The following GAB2 variants were observed in gnomAD, a reference collection of about 807,000 sequenced individuals.
The protein encoded by GAB2 is GRB2-associated-binding protein 2.
GAB2 carries 26 observed loss-of-function variants against 65.5 expected under a neutral mutation model. That is an observed-to-expected ratio of 0.40 (90% CI 0.29 to 0.55). The LOEUF (loss-of-function observed/expected upper bound fraction) is 0.55. Ranked by LOEUF, GAB2 falls within the 20% of genes least tolerant of loss-of-function variation. The pLI is 0.53. For missense variants in GAB2, 884 were observed against 875.8 expected, an observed-to-expected ratio of 1.01 and a Z score of -0.12; for synonymous variants, 321 against 329.6, an observed-to-expected ratio of 0.97 and a Z score of 0.28.
intron 2 of GAB2, among the ~76,000 whole-genome samples, chr11:78,270,460 G>A (rs1865980906): frequency 6.6e-6 from 1 of 152,172 alleles, no homozygotes; most frequent in African/African-American, 2.4e-5. Context: ...ACAATGGGTT[G>A]GGAAAAGTGA....
chr11:78,295,926 G>C (rs1412490567), intron 1 of GAB2, among the ~76,000 whole-genome samples: 4 of 152,114 alleles, frequency 2.6e-5, no homozygotes, highest in African/African-American at 7.2e-5. Flanking sequence ...ATTCCTCTGG[G>C]GCAGCGATCC....
chr11:78,250,415 T>A lies in GAB2; in HGVS notation c.377-15A>T. The A allele has an allele frequency of 6.2e-7, 1 of 1,609,490 alleles. No homozygotes were observed. Among genetic ancestry groups the A allele is most frequent in the Non-Finnish European group, 8.5e-7 (1 of 1,176,296 alleles). The stretch of plus-strand genomic sequence containing the variant: ...TCTCAGGGAGTCTGAAAAGGAGAAA[T>A]AGCTCTGTGAATGAAAAAGGAAGGA... On this transcript the variant is annotated splice_polypyrimidine_tract_variant and intron_variant, in intron 2 of 9. Coordinates refer to ENST00000361507, the MANE Select transcript of GAB2 (RefSeq NM_080491.3).
rs762649611 is a variant in GAB2, at chr11:78,223,658, C to A, written c.1321G>T (p.Gly441Cys). 3 of 1,601,276 alleles carry A rather than the reference C, an allele frequency of 1.9e-6. No homozygotes were observed. Among genetic ancestry groups the A allele is most frequent in the Non-Finnish European group, 2.6e-6 (3 of 1,173,510 alleles). Residue 441 changes from glycine to cysteine, a missense_variant, in exon 6 of 10, where the codon GGC becomes TGC. By Grantham distance (159) the Gly-to-Cys change is radical (BLOSUM62 -3). Coordinates refer to ENST00000361507, the MANE Select transcript of GAB2 (RefSeq NM_080491.3). ...GSFLPGKMIV[G>C]RSDSTNSEDN... ...TCAGAATTGGTGCTGTCCGATCGGC[C>A]CACAATCATTTTCCCTGGCTAGGGA... is the stretch of plus-strand genomic sequence containing the variant.
intron 3 of GAB2, among the ~76,000 whole-genome samples, chr11:78,242,549 CAAAT>C (rs1260644431): frequency 1.3e-5 from 2 of 150,818 alleles, no homozygotes; most frequent in Non-Finnish European, 3.0e-5. Context: ...TGTCTGGAAA[CAAAT>C]GAAAATAGAA....
At chr11:78,219,994 C>A (rs1864339769) in intron 9 of GAB2, among the ~76,000 whole-genome samples, 1 of 152,142 alleles carries the variant, frequency 6.6e-6, no homozygotes, top group Admixed American at 6.5e-5. Flanking sequence ...GAGGCAGTAT[C>A]CTCATTCCTG....
chr11:78,225,412 G>T (rs1267032363), intron 4 of GAB2, among the ~76,000 whole-genome samples: 1 of 152,174 alleles, frequency 6.6e-6, no homozygotes. Context: ...GTTAGCATCT[G>T]CAGAGAAGCT....
At chr11:78,335,103 A>G (rs987736680) in intron 1 of GAB2, among the ~76,000 whole-genome samples, 10 of 152,192 alleles carry the variant, frequency 6.6e-5, no homozygotes, top group African/African-American at 2.2e-4. Flanking sequence ...ACTTTTCCCT[A>G]TAGAGTTGTT....
chr11:78,319,741 T>C (rs1042246674), intron 1 of GAB2, among the ~76,000 whole-genome samples: 1 of 152,196 alleles, frequency 6.6e-6, no homozygotes. Flanking sequence ...AAATAAAAAA[T>C]TAACTTACAC....
chr11:78,416,629 G>A (rs1857199739), intron 1 of GAB2, among the ~76,000 whole-genome samples: 1 of 152,152 alleles, frequency 6.6e-6, no homozygotes, highest in Non-Finnish European at 1.5e-5. Context: ...CGGAGAGGGA[G>A]CAGATGAGAG....
rs886474080 is a variant in GAB2 at position 78,216,120 on chromosome 11, A to C, written c.*3152T>G. The C allele has an allele frequency of 1.3e-5, 2 of 152,684 alleles. No homozygotes were observed. The highest frequency in any genetic ancestry group is 2.9e-5 in the Non-Finnish European group (2 of 68,066). The allele number at this position is 152,684 out of a possible 1,614,324, so 9.5% of individuals were successfully genotyped here. On this transcript the variant is annotated 3_prime_UTR_variant, in exon 10 of 10. Transcript: ENST00000361507. ...TCAAGCAGCTGAGCACCAGCTGTGGATGGGACCTCAGCGCAGCTAATCCAA... is the reference window on the plus strand; with the variant it reads ...TCAAGCAGCTGAGCACCAGCTGTGGCTGGGACCTCAGCGCAGCTAATCCAA...
chr11:78,314,087 G>A (rs1855553336), intron 1 of GAB2, among the ~76,000 whole-genome samples: 1 of 152,196 alleles, frequency 6.6e-6, no homozygotes, highest in African/African-American at 2.4e-5. Flanking sequence ...AAAGCACAAG[G>A]CCAGGAGGGG....
chr11:78,288,042 GA>G (rs79860012), intron 1 of GAB2, among the ~76,000 whole-genome samples: 2 of 150,180 alleles, frequency 1.3e-5, no homozygotes, highest in South Asian at 2.1e-4. Context: ...TGGAAAGGAA[GA>G]AAAAAAAATG....
intron 1 of GAB2, among the ~76,000 whole-genome samples, chr11:78,383,918 G>GTGACATTGCTGGCTTTCC (rs1279572000): frequency 3.9e-5 from 6 of 152,116 alleles, no homozygotes; most frequent in Admixed American, 1.3e-4. Flanking sequence ...GCGGGCTTTC[G>GTGACATTGCTGGCTTTCC]TGACATTGCT....
chr11:78,370,712 C>CCTGTGTGTATGTGTGTGTGT (rs58668713), intron 1 of GAB2, among the ~76,000 whole-genome samples: 82 of 123,306 alleles, frequency 6.7e-4, no homozygotes, highest in African/African-American at 2.3e-3. Flanking sequence ...TGTGTGTGTG[C>CCTGTGTGTATGTGTGTGTGT]GTGTGTGTGT....
intron 1 of GAB2, among the ~76,000 whole-genome samples, chr11:78,406,431 G>A (rs1162917958): frequency 1.3e-5 from 2 of 151,676 alleles, no homozygotes; most frequent in African/African-American, 2.4e-5. Flanking sequence ...AGGTTGGAGT[G>A]CAATGGCATG....
chr11:78,406,901 G>A (rs1204863042), intron 1 of GAB2, among the ~76,000 whole-genome samples: 1 of 148,530 alleles, frequency 6.7e-6, no homozygotes, highest in Non-Finnish European at 1.5e-5. Flanking sequence ...AATAGAAGAT[G>A]TAAAGAAAAA....
At chr11:78,362,851 T>C (rs952326707) in intron 1 of GAB2, among the ~76,000 whole-genome samples, 4 of 152,002 alleles carry the variant, frequency 2.6e-5, no homozygotes, top group Non-Finnish European at 4.4e-5. Flanking sequence ...AAAAAAGATA[T>C]TAAGGTAAAA....
chr11:78,375,382 T>A (rs544676678), intron 1 of GAB2, among the ~76,000 whole-genome samples: 1 of 152,308 alleles, frequency 6.6e-6, no homozygotes, highest in East Asian at 1.9e-4. Context: ...TTTTGATCCA[T>A]ACACAGTTTG....
At chr11:78,368,295 A>C (rs1856524723) in intron 1 of GAB2, among the ~76,000 whole-genome samples, 1 of 152,216 alleles carries the variant, frequency 6.6e-6, no homozygotes, top group African/African-American at 2.4e-5. Flanking sequence ...ATTATTCAAC[A>C]GATTAATACT....
Sources: allele counts gnomAD v4.1 joint callset (sites outside exome capture counted in the v4.1 genomes callset), GRCh38; gene constraint gnomAD v4.1.1; transcripts MANE v1.5; gene names NCBI Gene and HGNC (gene_info 2026-07-23, HGNC 2026-07-21).